The following VWDE variants were observed in gnomAD, a reference collection of about 807,000 sequenced individuals.
VWDE encodes von Willebrand factor D and EGF domains.
Under a neutral mutation model 178.4 loss-of-function variants are expected in VWDE, and 207 were observed. The observed-to-expected ratio is 1.16, with a 90% CI of 1.04 to 1.30. VWDE has a LOEUF of 1.30. Among genes scored for constraint, VWDE ranks in the 50% most tolerant of loss-of-function variants. VWDE has a pLI of 0.00. For synonymous variants in VWDE, 738 were observed against 651.4 expected, an observed-to-expected ratio of 1.13 and a Z score of -2.02; for missense variants, 2,287 against 1,901.3, an observed-to-expected ratio of 1.20 and a Z score of -3.77.
intron 13 of VWDE, among the ~76,000 whole-genome samples, chr7:12,365,953 G>A (rs1011178678): frequency 1.3e-5 from 2 of 152,042 alleles, no homozygotes; most frequent in African/African-American, 4.8e-5. Context: ...GAGGGACATA[G>A]TGGGAGTTGA....
chr7:12,397,956 TTGG>T (rs1397380951), intron 1 of VWDE, among the ~76,000 whole-genome samples: 1 of 152,214 alleles, frequency 6.6e-6, no homozygotes, highest in Non-Finnish European at 1.5e-5. Context: ...TTATACACTG[TTGG>T]TGGGAATGTA....
chr7:12,336,041 G>GA (rs35608044), intron 27 of VWDE, 100 bp downstream of exon 27: 372,977 of 1,004,418 alleles, frequency 0.37, 72,082 homozygotes, highest in East Asian at 0.48. Context: ...GCATGCTGGA[G>GA]TTTTTTCCCC....
At position 12,401,895 on chromosome 7, in the gene VWDE, G is replaced by T. The variant is rs915335186; in HGVS notation, c.58+1764C>A. On this transcript the variant is annotated intron_variant, in intron 1 of 28. Transcript: ENST00000275358. ...GTCAAAAGGTGGAAACAACTCAAAT[G>T]TTCATCAACAAATGAATGTACATAC... Among the ~76,000 whole-genome samples the T allele has an allele frequency of 2.0e-5, 3 of 152,070 alleles. 1 individual carries two copies. In the South Asian group the frequency reaches 6.2e-4, roughly 31 times the overall value.
Position 12,336,197 on chromosome 7 carries a change from A to ATGCATTCACCACCGTTTT in VWDE, c.4580_4597dup (p.Lys1527_Cys1532dup), listed in dbSNP as rs776120818. On this transcript the variant is annotated inframe_insertion, in exon 27 of 29. Transcript: ENST00000275358. ...AGGACAATGGCATATGCTGGGCGCA[A>ATGCATTCACCACCGTTTT]TGCATTCACCACCGTTTTTACATTT... The ATGCATTCACCACCGTTTT allele has an allele frequency of 7.7e-6, 12 of 1,551,346 alleles. No homozygotes were observed. The highest frequency in any genetic ancestry group is 1.4e-5 in the African/African-American group (1 of 73,042).
intron 15 of VWDE, among the ~76,000 whole-genome samples, chr7:12,360,916 T>A (rs1317422092): frequency 6.6e-6 from 1 of 152,174 alleles, no homozygotes; most frequent in Non-Finnish European, 1.5e-5. Context: ...TAGTCTGGAC[T>A]TCCTCTTACA....
intron 18 of VWDE, chr7:12,354,485 T>C (rs1235073767): frequency 5.2e-6 from 2 of 385,556 alleles, no homozygotes; most frequent in African/African-American, 4.3e-5. Flanking sequence ...TGGCAATTTT[T>C]GCCTGTATAA....
At chr7:12,335,605 G>C (rs1381338681) in intron 27 of VWDE, among the ~76,000 whole-genome samples, 6 of 152,012 alleles carry the variant, frequency 3.9e-5, no homozygotes, top group Admixed American at 3.9e-4. Context: ...ACAGGCGCCT[G>C]CCACCACGCC....
intron 13 of VWDE, among the ~76,000 whole-genome samples, chr7:12,366,615 G>T (rs1782872624): frequency 6.6e-6 from 1 of 152,020 alleles, no homozygotes; most frequent in South Asian, 2.1e-4. Flanking sequence ...ACTTGATAAA[G>T]ACACATACAA....
At chr7:12,373,353 C>T in intron 9 of VWDE, 106 bp from the exon 10 acceptor site, 1 of 1,192,488 alleles carries the variant, frequency 8.4e-7, no homozygotes, top group Non-Finnish European at 1.2e-6. Flanking sequence ...TTGTTGTATG[C>T]ACTGAAGGAA....
rs1297215118 is a variant in VWDE at position 12,373,088 on chromosome 7, A to G, written c.1476T>C (p.Phe492=). The G allele has an allele frequency of 3.2e-6, 5 of 1,551,186 alleles. No homozygotes were observed. In the East Asian group the frequency reaches 1.2e-4, roughly 38 times the overall value. Residue 492 remains phenylalanine (F), a synonymous_variant, in exon 10 of 29, where the codon TTT becomes TTC. Transcript: ENST00000275358. ...VAQEGGDIVT[F]DMCNGQLRES... ...CACGTAGCTGACCATTGCACATATC[A>G]AAAGTAACTATATCACCTCCTTCCT...
At chr7:12,392,665 T>C (rs561397972) in intron 2 of VWDE, among the ~76,000 whole-genome samples, 1 of 152,268 alleles carries the variant, frequency 6.6e-6, no homozygotes, top group East Asian at 1.9e-4. Flanking sequence ...GCTTATTTTT[T>C]GAAGCATTTT....
rs2128562589 is a variant in VWDE at position 12,393,587 on chromosome 7, G to A, written c.243+7C>T. On this transcript the variant is annotated splice_region_variant and intron_variant, in intron 2 of 28. Transcript: ENST00000275358. Reference sequence around the variant, plus strand: ...AATAACATGCAGTACTTAGGGAGTTGACATACCTCAACACATTTGGTTGGC... The same window carrying A: ...AATAACATGCAGTACTTAGGGAGTTAACATACCTCAACACATTTGGTTGGC... The A allele has an allele frequency of 1.3e-6, 2 of 1,540,202 alleles. No homozygotes were observed. Among genetic ancestry groups the A allele is most frequent in the Non-Finnish European group, 1.8e-6 (2 of 1,141,752 alleles).
chr7:12,361,309 T>C, intron 14 of VWDE, 57 bp downstream of exon 14: 4 of 1,536,796 alleles, frequency 2.6e-6, no homozygotes, highest in Admixed American at 2.0e-5. Context: ...AAATTCATTA[T>C]GAAATGTTAA....
intron 23 of VWDE, among the ~76,000 whole-genome samples, chr7:12,340,722 A>C (rs567884872): frequency 6.6e-6 from 1 of 152,348 alleles, no homozygotes; most frequent in South Asian, 2.1e-4. Flanking sequence ...AAGAATGTAG[A>C]GGCTATGATT....
Position 12,369,894 on chromosome 7 carries a change from A to G in VWDE, c.2412T>C (p.Tyr804=), listed in dbSNP as rs773453381. ...TCTCCTGACAGAGGGTCAAGGTGCT[A>G]TACTCGGTGAGGCCAGAGGGAGTGG... ...SWPTPSGLTE[Y]STLTLCQETL... is the part of the protein sequence containing the mutation. The change falls in exon 12 of 29, where the codon TAT becomes TAC. Residue 804 remains tyrosine (Y), a synonymous_variant. Transcript: ENST00000275358. 12 of 1,551,516 alleles carry G rather than the reference A, an allele frequency of 7.7e-6. No individual in the cohort carries two copies. The South Asian group carries it at 9.5e-5, about 12-fold the overall frequency.
At chr7:12,364,303 C>A (rs920178740) in intron 13 of VWDE, among the ~76,000 whole-genome samples, 1 of 152,024 alleles carries the variant, frequency 6.6e-6, no homozygotes. Flanking sequence ...AAGAAGCACA[C>A]CTTGCACCCA....
intron 17 of VWDE, 51 bp downstream of exon 17, chr7:12,357,211 AGTT>A: frequency 6.6e-7 from 1 of 1,524,388 alleles, no homozygotes; most frequent in Non-Finnish European, 8.8e-7. Flanking sequence ...ATTCAAATAA[AGTT>A]GTTAAAATTG....
At chr7:12,354,684 A>G (rs190028100) in intron 18 of VWDE, among the ~76,000 whole-genome samples, 155 of 152,354 alleles carry the variant, frequency 1.0e-3, no homozygotes, top group Non-Finnish European at 1.5e-3. Context: ...ATTACATTCA[A>G]TTTAATATTA....
Position 12,359,577 on chromosome 7 carries a change from C to T in VWDE, c.3274+1G>A, listed in dbSNP as rs747375575. ...ATTTGGATTAATAAAGAGTAACTTA[C>T]TTTCTAAAAATGACCAAGTAAATCT... is the stretch of plus-strand genomic sequence containing the variant. On this transcript the variant is annotated splice_donor_variant, in intron 16 of 28. Coordinates refer to ENST00000275358, the MANE Select transcript of VWDE (RefSeq NM_001135924.3). LOFTEE classifies it high-confidence loss of function. 6 of 1,536,168 alleles carry T rather than the reference C, an allele frequency of 3.9e-6. No homozygotes were observed. In the South Asian group the frequency reaches 4.8e-5, roughly 12 times the overall value.
Sources: gnomAD v4.1 joint callset for allele counts (sites outside exome capture counted in the v4.1 genomes callset) on GRCh38, gnomAD v4.1.1 for gene constraint, MANE v1.5 for transcripts, NCBI Gene and HGNC (gene_info 2026-07-23, HGNC 2026-07-21) for gene names.